The following SPATA16 variants were observed in gnomAD, a reference collection of about 807,000 sequenced individuals.
The protein encoded by SPATA16 is spermatogenesis associated 16.
A neutral mutation model predicts 63.3 loss-of-function variants in SPATA16; 36 were observed. That is an observed-to-expected ratio of 0.57 (90% CI 0.44 to 0.75). The LOEUF is 0.75. Among genes scored for constraint, SPATA16 ranks in the 30% least tolerant of loss-of-function variants. The probability of loss-of-function intolerance (pLI) is 0.00; values close to 1 mark genes in which losing one functional copy is unlikely to be tolerated. For missense variants in SPATA16, 646 were observed against 679.3 expected (o/e 0.95, Z 0.54); for synonymous variants, 203 against 216.7 (o/e 0.94, Z 0.56).
intron 5 of SPATA16, among the ~76,000 whole-genome samples, chr3:172,959,371 G>T (rs1039940629): frequency 6.6e-6 from 1 of 152,182 alleles, no homozygotes; most frequent in Admixed American, 6.5e-5. Flanking sequence ...TTGGCTTAAT[G>T]CTCAAGGCAT....
chr3:173,033,204 A>G (rs2108285204), intron 3 of SPATA16, among the ~76,000 whole-genome samples: 1 of 152,264 alleles, frequency 6.6e-6, no homozygotes, highest in South Asian at 2.1e-4. Context: ...AATCTGAAAA[A>G]AGATCCTCAT....
chr3:172,946,251 A>G (rs1733283897), intron 6 of SPATA16, among the ~76,000 whole-genome samples: 1 of 152,186 alleles, frequency 6.6e-6, no homozygotes, highest in South Asian at 2.1e-4. Context: ...ATCCAGGCCT[A>G]TACTGGATTC....
At chr3:173,038,538 G>A (rs954077014) in intron 3 of SPATA16, among the ~76,000 whole-genome samples, 3 of 151,978 alleles carry the variant, frequency 2.0e-5, no homozygotes, top group Non-Finnish European at 4.4e-5. Context: ...CTCAGTTTTA[G>A]TGTTGGTCCT....
At chr3:172,945,975 G>A (rs1343331060) in intron 6 of SPATA16, among the ~76,000 whole-genome samples, 1 of 152,150 alleles carries the variant, frequency 6.6e-6, no homozygotes, top group Non-Finnish European at 1.5e-5. Flanking sequence ...AGCTCTGGGA[G>A]AGACTCCTTC....
chr3:172,984,265 A>G (rs913315809), intron 4 of SPATA16, among the ~76,000 whole-genome samples: 1 of 152,176 alleles, frequency 6.6e-6, no homozygotes, highest in Admixed American at 6.5e-5. Flanking sequence ...GACGACGCTG[A>G]TCTAGACTGT....
chr3:172,916,896 T>A lies in SPATA16; in HGVS notation c.1339-415A>T, dbSNP rs534003298. 1.6e-4 allele frequency among the ~76,000 whole-genome samples: 24 copies of A among 152,288 alleles called. No individual in the cohort carries two copies. In the South Asian group the frequency reaches 1.9e-3, roughly 12 times the overall value. On this transcript the variant is annotated intron_variant, in intron 8 of 10. Transcript: ENST00000351008. ...ACTATCTTGTTTATCTGAAAGAAAA[T>A]TTTTTAATGCAAGTTGAATCTTGAC...
intron 2 of SPATA16, among the ~76,000 whole-genome samples, chr3:173,112,518 G>A (rs1361126433): frequency 6.6e-6 from 1 of 152,128 alleles, no homozygotes; most frequent in African/African-American, 2.4e-5. Context: ...CCTTGAGCAA[G>A]TTACTTAACC....
At chr3:173,100,678 AC>A (rs1737468372) in intron 2 of SPATA16, among the ~76,000 whole-genome samples, 1 of 141,780 alleles carries the variant, frequency 7.1e-6, no homozygotes, top group Non-Finnish European at 1.5e-5. Context: ...ACACACACAC[AC>A]ACACACACAC....
chr3:172,965,829 G>A (rs1376304080), intron 5 of SPATA16, among the ~76,000 whole-genome samples: 1 of 152,090 alleles, frequency 6.6e-6, no homozygotes, highest in Non-Finnish European at 1.5e-5. Flanking sequence ...GCCCGCCTAG[G>A]CCTCCCAAAG....
chr3:173,005,966 T>C (rs1734935690), intron 4 of SPATA16, among the ~76,000 whole-genome samples: 1 of 152,178 alleles, frequency 6.6e-6, no homozygotes, highest in African/African-American at 2.4e-5. Flanking sequence ...TTTAAATCCT[T>C]AAAAGAGAAG....
chr3:173,056,050 G>A (rs1281176046), intron 2 of SPATA16, among the ~76,000 whole-genome samples: 1 of 152,106 alleles, frequency 6.6e-6, no homozygotes, highest in Non-Finnish European at 1.5e-5. Flanking sequence ...TTTTCCATAA[G>A]GTTTTACTGT....
chr3:172,987,596 G>A (rs1734485920), intron 4 of SPATA16, among the ~76,000 whole-genome samples: 1 of 152,144 alleles, frequency 6.6e-6, no homozygotes, highest in Non-Finnish European at 1.5e-5. Flanking sequence ...GAAACAATTA[G>A]GAAAAACTGA....
chr3:173,022,423 A>G (rs1298974258), intron 3 of SPATA16, among the ~76,000 whole-genome samples: 1 of 152,112 alleles, frequency 6.6e-6, no homozygotes, highest in African/African-American at 2.4e-5. Flanking sequence ...GAGATGAAAT[A>G]TTTTATTTGG....
chr3:172,998,876 T>C (rs1001583885), intron 4 of SPATA16, among the ~76,000 whole-genome samples: 2 of 152,216 alleles, frequency 1.3e-5, no homozygotes, highest in African/African-American at 2.4e-5. Flanking sequence ...GAATTATTTT[T>C]CTATACCTGG....
In SPATA16 at chr3:172,916,326, C is replaced by T. The variant is rs763571375; in HGVS notation, c.1494G>A (p.Glu498=). 1 of 1,613,358 alleles carries T rather than the reference C, an allele frequency of 6.2e-7. No individual in the cohort carries two copies. The highest frequency in any genetic ancestry group is 1.7e-5 in the Admixed American group (1 of 59,988). ...IPYLQDISQQ[E]AELLQSLMAD... ...AAAGAAAAATACTTACCAATTCTGCCTCCTGTTGACTGATGTCCTGTAGGT... is the reference window on the plus strand; with the variant it reads ...AAAGAAAAATACTTACCAATTCTGCTTCCTGTTGACTGATGTCCTGTAGGT... The change falls in exon 9 of 11, where the codon GAG becomes GAA. Residue 498 remains glutamate, a synonymous_variant. Transcript: ENST00000351008.
intron 3 of SPATA16, 60 bp from the exon 4 acceptor site, chr3:173,019,635 G>T: frequency 6.9e-7 from 1 of 1,452,720 alleles, no homozygotes; most frequent in Non-Finnish European, 9.6e-7. Context: ...ATTACCACAA[G>T]TGCAATGGAA....
chr3:173,089,459 T>G (rs1052055713), intron 2 of SPATA16, among the ~76,000 whole-genome samples: 4 of 152,166 alleles, frequency 2.6e-5, no homozygotes, highest in African/African-American at 9.6e-5. Context: ...AGGCAGTGAC[T>G]GTGAGGAGTT....
chr3:173,139,325 A>G (rs1246921729), intron 1 of SPATA16, among the ~76,000 whole-genome samples: 2 of 152,212 alleles, frequency 1.3e-5, no homozygotes, highest in African/African-American at 2.4e-5. Flanking sequence ...GCTATGATAA[A>G]TTAGTCTTTA....
chr3:172,892,733 A>G (rs1731918575), intron 10 of SPATA16, among the ~76,000 whole-genome samples: 1 of 152,236 alleles, frequency 6.6e-6, no homozygotes, highest in Non-Finnish European at 1.5e-5. Context: ...AAAATAAAAC[A>G]CAAAGAAATA....
Sources: gnomAD v4.1 joint callset for allele counts (sites outside exome capture counted in the v4.1 genomes callset) on GRCh38, gnomAD v4.1.1 for gene constraint, MANE v1.5 for transcripts, NCBI Gene and HGNC (gene_info 2026-07-23, HGNC 2026-07-21) for gene names.